Variants in CAMK1D observed in about 807,000 individuals in gnomAD.
The protein encoded by CAMK1D is calcium/calmodulin-dependent protein kinase type 1D.
Under a neutral mutation model 47.7 loss-of-function variants are expected in CAMK1D, and 9 were observed. The ratio of observed to expected loss-of-function variants is 0.19; its 90% CI spans 0.11 to 0.33. The LOEUF is 0.33. Among genes scored for constraint, CAMK1D ranks in the 10% least tolerant of loss-of-function variants. CAMK1D has a pLI of 1.00. For missense variants in CAMK1D, 291 were observed against 488.7 expected (o/e 0.60, Z 3.81); for synonymous variants, 184 against 184.9 (o/e 0.99, Z 0.04).
intron 1 of CAMK1D, among the ~76,000 whole-genome samples, chr10:12,541,889 T>TCCTTCCTTCCTTCCTTCCC (rs760116191): frequency 1.4e-5 from 2 of 141,954 alleles, no homozygotes; most frequent in Admixed American, 1.4e-4. Context: ...CTTCCTTCCT[T>TCCTTCCTTCCTTCCTTCCC]TTTTTTTTTC....
At chr10:12,522,466 T>C (rs1325257193) in intron 1 of CAMK1D, among the ~76,000 whole-genome samples, 3 of 149,784 alleles carry the variant, frequency 2.0e-5, no homozygotes, top group Non-Finnish European at 3.0e-5. Flanking sequence ...TTAATCCATT[T>C]AACCCTGAGT....
chr10:12,627,735 C>T (rs754157782), intron 2 of CAMK1D, among the ~76,000 whole-genome samples: 3 of 152,096 alleles, frequency 2.0e-5, no homozygotes, highest in African/African-American at 4.8e-5. Flanking sequence ...TATGAAATTC[C>T]TTTGCATAAA....
In CAMK1D at chr10:12,579,521, G is replaced by A. The variant is rs559840055; in HGVS notation, c.224+26165G>A. On this transcript the variant is annotated intron_variant, in intron 2 of 10. Coordinates refer to ENST00000619168, the MANE Select transcript of CAMK1D (RefSeq NM_153498.4). ...TTGAGTCTGGTGCTCCAGGCCTTCT[G>A]TATTTGGGGGTCAGTCTGTGTTTCC... Among the ~76,000 whole-genome samples the A allele has an allele frequency of 5.9e-5, 9 of 152,306 alleles. No homozygotes were observed. The South Asian group carries it at 1.9e-3, about 32-fold the overall frequency.
chr10:12,703,835 C>T (rs1310256554), intron 3 of CAMK1D, among the ~76,000 whole-genome samples: 1 of 150,772 alleles, frequency 6.6e-6, no homozygotes, highest in African/African-American at 2.4e-5. Flanking sequence ...CGCCACTGCA[C>T]TCCAGCCAGG....
chr10:12,643,109 C>G (rs1839711272), intron 2 of CAMK1D, among the ~76,000 whole-genome samples: 1 of 152,160 alleles, frequency 6.6e-6, no homozygotes. Flanking sequence ...TCAAGTGATT[C>G]TCCTGCCTTA....
chr10:12,614,186 A>G (rs572555031), intron 2 of CAMK1D, among the ~76,000 whole-genome samples: 1 of 152,304 alleles, frequency 6.6e-6, no homozygotes, highest in Admixed American at 6.5e-5. Context: ...CTTATCTCCA[A>G]AATGGGCATG....
chr10:12,719,045 G>C (rs1200964643), intron 3 of CAMK1D, among the ~76,000 whole-genome samples: 1 of 152,168 alleles, frequency 6.6e-6, no homozygotes, highest in Admixed American at 6.5e-5. Flanking sequence ...TCATCAAAAA[G>C]AAATAGAGAC....
At chr10:12,591,916 A>G (rs1286600384) in intron 2 of CAMK1D, among the ~76,000 whole-genome samples, 3 of 152,120 alleles carry the variant, frequency 2.0e-5, no homozygotes, top group African/African-American at 7.2e-5. Flanking sequence ...GATGGTCTTG[A>G]ACTCCTGACC....
intron 2 of CAMK1D, among the ~76,000 whole-genome samples, chr10:12,597,839 G>T (rs1182033711): frequency 6.6e-6 from 1 of 152,140 alleles, no homozygotes; most frequent in Non-Finnish European, 1.5e-5. Context: ...GCTCTCACTG[G>T]ATCTCTGGGA....
intron 6 of CAMK1D, among the ~76,000 whole-genome samples, chr10:12,805,189 G>A (rs1838670523): frequency 6.6e-6 from 1 of 150,740 alleles, no homozygotes; most frequent in South Asian, 2.1e-4. Flanking sequence ...AACCCAGGAG[G>A]TAGAGGTTGC....
At chr10:12,453,556 T>C (rs1833153932) in intron 1 of CAMK1D, among the ~76,000 whole-genome samples, 1 of 152,236 alleles carries the variant, frequency 6.6e-6, no homozygotes, top group Non-Finnish European at 1.5e-5. Flanking sequence ...CGCTTACCCA[T>C]TCATCTGTCC....
intron 3 of CAMK1D, among the ~76,000 whole-genome samples, chr10:12,732,432 A>G (rs1054628938): frequency 2.0e-5 from 3 of 152,174 alleles, no homozygotes; most frequent in Admixed American, 6.5e-5. Context: ...CTGCTGATAA[A>G]GACATATCCA....
intron 1 of CAMK1D, among the ~76,000 whole-genome samples, chr10:12,432,004 A>G (rs1832492807): frequency 6.6e-6 from 1 of 152,236 alleles, no homozygotes; most frequent in Admixed American, 6.5e-5. Context: ...CTCCTTGAGC[A>G]GAGGTCACTG....
chr10:12,784,071 A>C (rs2130975135), intron 5 of CAMK1D, among the ~76,000 whole-genome samples: 1 of 152,322 alleles, frequency 6.6e-6, no homozygotes, highest in South Asian at 2.1e-4. Flanking sequence ...AGGAATAGCA[A>C]AGAAAGCTGA....
intron 1 of CAMK1D, among the ~76,000 whole-genome samples, chr10:12,439,908 A>G (rs1347960206): frequency 2.0e-5 from 3 of 152,216 alleles, no homozygotes; most frequent in Non-Finnish European, 4.4e-5. Flanking sequence ...GGCAGGCAAG[A>G]GAGAGAATGA....
At chr10:12,791,137 C>CT (rs1837961502) in intron 5 of CAMK1D, 21 bp from the exon 6 acceptor site, 1 of 1,613,002 alleles carries the variant, frequency 6.2e-7, no homozygotes, top group Non-Finnish European at 8.5e-7. Context: ...CAGGCTGTGT[C>CT]TTTTCTTTGT....
chr10:12,762,715 T>A lies in CAMK1D; in HGVS notation c.438+1629T>A, dbSNP rs370013147. Among the ~76,000 whole-genome samples, 12 of 152,306 alleles carry A rather than the reference T, an allele frequency of 7.9e-5. No individual in the cohort carries two copies. The South Asian group carries it at 8.3e-4, about 11-fold the overall frequency. On this transcript the variant is annotated intron_variant, in intron 4 of 10. Coordinates refer to ENST00000619168, the MANE Select transcript of CAMK1D (RefSeq NM_153498.4). ...AGTGGATCCCTTTGAGCCTTCATCC[T>A]CTGCAGGCTTCTTGACATCTGAAAT...
intron 2 of CAMK1D, among the ~76,000 whole-genome samples, chr10:12,635,515 C>A (rs952361955): frequency 1.3e-5 from 2 of 152,028 alleles, no homozygotes; most frequent in South Asian, 2.1e-4. Context: ...GAACTCTGGT[C>A]TGGGGGAGGG....
intron 1 of CAMK1D, among the ~76,000 whole-genome samples, chr10:12,459,863 C>T (rs908344593): frequency 1.3e-5 from 2 of 152,158 alleles, no homozygotes; most frequent in African/African-American, 4.8e-5. Flanking sequence ...TGGGGAAAGG[C>T]GGTGTTATTG....
Sources: gnomAD v4.1 joint callset for allele counts (sites outside exome capture counted in the v4.1 genomes callset) on GRCh38, gnomAD v4.1.1 for gene constraint, MANE v1.5 for transcripts, NCBI Gene and HGNC (gene_info 2026-07-23, HGNC 2026-07-21) for gene names.